Variants in AJAP1 observed in about 807,000 individuals in gnomAD.
AJAP1 encodes adherens junctions associated protein 1, also known as adherens junction-associated protein 1.
A neutral mutation model predicts 35.0 loss-of-function variants in AJAP1; 5 were observed. The observed-to-expected ratio is 0.14, with a 90% confidence interval of 0.07 to 0.30. The LOEUF (loss-of-function observed/expected upper bound fraction) is 0.30. AJAP1 is among the 10% of genes least tolerant of loss of function. AJAP1 has a pLI of 1.00. For missense variants in AJAP1, 586 were observed against 571.0 expected (o/e 1.03, Z -0.27); for synonymous variants, 284 against 249.3 (o/e 1.14, Z -1.31).
intron 2 of AJAP1, among the ~76,000 whole-genome samples, chr1:4,739,960 A>G (rs917628399): frequency 3.1e-4 from 47 of 151,894 alleles, no homozygotes; most frequent in African/African-American, 8.7e-4. Context: ...CATGGTGGCC[A>G]CTCCCCGTCC....
chr1:4,727,673 T>G (rs1312311342), intron 2 of AJAP1, among the ~76,000 whole-genome samples: 1 of 152,172 alleles, frequency 6.6e-6, no homozygotes, highest in East Asian at 1.9e-4. Flanking sequence ...TCCCTTCCCC[T>G]GGAGTGTGGA....
In AJAP1 at chr1:4,656,738, CT is replaced by C. The variant is rs1453317160; in HGVS notation, c.29+1285del. ...TCAGATGTTATTATTAGCATCCCTT[CT>C]CTCAGTGGCCGATCTTGCTGTGGGC... On this transcript the variant is annotated intron_variant, in intron 1 of 5. Transcript: ENST00000378191. The surrounding 1 kb of genome is among the most constrained non-coding windows in gnomAD (Gnocchi z 5.7). Among the ~76,000 whole-genome samples, 3 of 152,224 alleles carry C rather than the reference CT, an allele frequency of 2.0e-5. No individual in the cohort carries two copies. The highest frequency in any genetic ancestry group is 2.9e-5 in the Non-Finnish European group (2 of 68,048).
chr1:4,690,850 A>G (rs1639723648), intron 1 of AJAP1, among the ~76,000 whole-genome samples: 1 of 152,174 alleles, frequency 6.6e-6, no homozygotes, highest in African/African-American at 2.4e-5. Flanking sequence ...TCTATGCCTG[A>G]GTCCACCTGA....
intron 2 of AJAP1, among the ~76,000 whole-genome samples, chr1:4,754,120 C>T (rs1401762553): frequency 1.3e-5 from 2 of 152,140 alleles, no homozygotes; most frequent in Non-Finnish European, 2.9e-5. Context: ...TGCGTTTGTA[C>T]ATCCTGGGAA....
chr1:4,775,816 G>A (rs1307171606), intron 5 of AJAP1, among the ~76,000 whole-genome samples: 1 of 152,244 alleles, frequency 6.6e-6, no homozygotes, highest in East Asian at 1.9e-4. Context: ...ATTCAGTGGG[G>A]GGATGTGCAG....
At chr1:4,708,458 A>T (rs1016373242) in intron 1 of AJAP1, among the ~76,000 whole-genome samples, 4 of 152,150 alleles carry the variant, frequency 2.6e-5, no homozygotes, top group African/African-American at 9.7e-5. Flanking sequence ...TGGATGCCCT[A>T]TGGGGTGAGG....
At chr1:4,769,703 G>C (rs1007854771) in intron 2 of AJAP1, 150 bp from the exon 3 acceptor site, 39 of 713,706 alleles carry the variant, frequency 5.5e-5, no homozygotes, top group Middle Eastern at 3.9e-4. Context: ...AGAGAACTGA[G>C]CACCTGTCAT....
At chr1:4,699,161 T>A (rs140327918) in intron 1 of AJAP1, among the ~76,000 whole-genome samples, 1 of 152,092 alleles carries the variant, frequency 6.6e-6, no homozygotes, top group Admixed American at 6.6e-5. Context: ...GCGTGGTGAG[T>A]GGGCCCGCTG....
chr1:4,703,118 G>A (rs1228030932), intron 1 of AJAP1, among the ~76,000 whole-genome samples: 1 of 152,212 alleles, frequency 6.6e-6, no homozygotes, highest in East Asian at 1.9e-4. Flanking sequence ...AGGGAGGGAT[G>A]TTTTCAATCA....
chr1:4,661,694 G>A (rs963348785), intron 1 of AJAP1, among the ~76,000 whole-genome samples: 5 of 152,230 alleles, frequency 3.3e-5, no homozygotes, highest in Non-Finnish European at 5.9e-5. Flanking sequence ...GAAGGACCCA[G>A]CTGCTGTGAT....
chr1:4,699,559 C>T (rs1188695616), intron 1 of AJAP1, among the ~76,000 whole-genome samples: 6 of 152,136 alleles, frequency 3.9e-5, no homozygotes, highest in South Asian at 4.1e-4. Context: ...TGAGCTATAG[C>T]GCTGTCACCG....
At chr1:4,771,036 AC>A (rs1183199895) in intron 3 of AJAP1, among the ~76,000 whole-genome samples, 1 of 151,310 alleles carries the variant, frequency 6.6e-6, no homozygotes, top group Non-Finnish European at 1.5e-5. Flanking sequence ...GACAAATCCC[AC>A]TGGCCATCTC....
chr1:4,677,633 G>C (rs16839451), intron 1 of AJAP1, among the ~76,000 whole-genome samples: 2 of 151,904 alleles, frequency 1.3e-5, no homozygotes, highest in African/African-American at 2.4e-5. Flanking sequence ...GCCATTCAGC[G>C]GGCATAAAGC....
chr1:4,688,657 A>G (rs1639662665), intron 1 of AJAP1, among the ~76,000 whole-genome samples: 1 of 151,084 alleles, frequency 6.6e-6, no homozygotes, highest in Admixed American at 6.6e-5. Context: ...CTGCAATCCC[A>G]GCTACTCAGG....
At chr1:4,702,804 T>G (rs931857142) in intron 1 of AJAP1, among the ~76,000 whole-genome samples, 3 of 152,262 alleles carry the variant, frequency 2.0e-5, no homozygotes, top group Admixed American at 2.0e-4. Flanking sequence ...CCCAGAGCTG[T>G]CTGGGGAAGC....
At chr1:4,681,725 C>T (rs898542774) in intron 1 of AJAP1, among the ~76,000 whole-genome samples, 3 of 152,144 alleles carry the variant, frequency 2.0e-5, no homozygotes, top group Non-Finnish European at 4.4e-5. Context: ...TGGATTTGTC[C>T]CCCTCTGCTC....
intron 1 of AJAP1, among the ~76,000 whole-genome samples, chr1:4,700,622 G>A (rs1639966041): frequency 6.6e-6 from 1 of 152,212 alleles, no homozygotes; most frequent in African/African-American, 2.4e-5. Flanking sequence ...TTTGCTCAGG[G>A]GGAGATGGAG....
chr1:4,726,949 C>T (rs1362335086), intron 2 of AJAP1, among the ~76,000 whole-genome samples: 2 of 152,214 alleles, frequency 1.3e-5, no homozygotes, highest in African/African-American at 4.8e-5. Context: ...GGCTTGTCCC[C>T]TCTGTGTCCT....
chr1:4,754,429 C>A (rs1007843380), intron 2 of AJAP1, among the ~76,000 whole-genome samples: 1 of 152,208 alleles, frequency 6.6e-6, no homozygotes, highest in Non-Finnish European at 1.5e-5. Context: ...CCTTTCCCTT[C>A]TGGCTACCCA....
Sources: allele counts gnomAD v4.1 joint callset (sites outside exome capture counted in the v4.1 genomes callset), GRCh38; gene constraint gnomAD v4.1.1; non-coding constraint Gnocchi (gnomAD v3.1); transcripts MANE v1.5; gene names NCBI Gene and HGNC (gene_info 2026-07-23, HGNC 2026-07-21).